The following CAPRIN2 variants were observed in gnomAD, a reference collection of about 807,000 sequenced individuals.
CAPRIN2 encodes the protein caprin-2.
Under a neutral mutation model 130.4 loss-of-function variants are expected in CAPRIN2, and 66 were observed. The observed-to-expected ratio is 0.51, with a 90% CI of 0.42 to 0.62. The LOEUF (loss-of-function observed/expected upper bound fraction) is 0.62, where lower values mean the gene tolerates loss of function less well. CAPRIN2 is among the 20% of genes least tolerant of loss of function. CAPRIN2 has a pLI of 0.00. For synonymous variants in CAPRIN2, 471 were observed against 444.1 expected, an observed-to-expected ratio of 1.06 and a Z score of -0.76; for missense variants, 1,185 against 1,246.6, an observed-to-expected ratio of 0.95 and a Z score of 0.74.
chr12:30,735,339 G>A, intron 3 of CAPRIN2, 133 bp from the exon 5 acceptor site: 1 of 745,846 alleles, frequency 1.3e-6, no homozygotes, highest in Non-Finnish European at 2.3e-6. Flanking sequence ...TACCAGTTTA[G>A]TCTGTCTCCT....
At chr12:30,742,871 T>C (rs576475851) in intron 2 of CAPRIN2, among the ~76,000 whole-genome samples, 1 of 152,310 alleles carries the variant, frequency 6.6e-6, no homozygotes, top group Admixed American at 6.5e-5. Flanking sequence ...TTCAGCCATA[T>C]ATTTTATAAT....
intron 4 of CAPRIN2, among the ~76,000 whole-genome samples, chr12:30,734,231 C>T (rs1448092336): frequency 6.6e-6 from 1 of 152,080 alleles, no homozygotes; most frequent in African/African-American, 2.4e-5. Flanking sequence ...TATATATAGG[C>T]AATTAAGAGT....
chr12:30,730,096 C>T, intron 7 of CAPRIN2, 143 bp downstream of exon 8: 3 of 634,418 alleles, frequency 4.7e-6, no homozygotes, highest in South Asian at 2.1e-5. Flanking sequence ...GACCAGATTT[C>T]TTGCCCAAAG....
chr12:30,728,294 C>T (rs2061520613), intron 8 of CAPRIN2: 1 of 189,744 alleles, frequency 5.3e-6, no homozygotes, highest in Admixed American at 5.3e-5. Flanking sequence ...ATGGCTCACG[C>T]CTGTAATCTC....
At chr12:30,754,002 C>G in exon 1 of CAPRIN2, 4 of 473,410 alleles carry the variant, frequency 8.4e-6, no homozygotes, top group Non-Finnish European at 1.5e-5. Flanking sequence ...CTGAGCCACT[C>G]AAACCTCTTT....
At chr12:30,737,805 G>C (rs1158370000) in intron 3 of CAPRIN2, among the ~76,000 whole-genome samples, 1 of 151,956 alleles carries the variant, frequency 6.6e-6, no homozygotes, top group African/African-American at 2.4e-5. Context: ...CATCATCATA[G>C]CTAGGATGGT....
chr12:30,718,499 T>A (rs910409488), intron 12 of CAPRIN2, among the ~76,000 whole-genome samples: 2 of 152,230 alleles, frequency 1.3e-5, no homozygotes. Flanking sequence ...AGAACTGTTT[T>A]ATACTAGTCT....
intron 2 of CAPRIN2, 60 bp downstream of exon 3, chr12:30,751,011 T>C (rs1349354241): frequency 1.7e-6 from 2 of 1,203,446 alleles, no homozygotes; most frequent in Non-Finnish European, 2.5e-6. Context: ...ACTAAATCCA[T>C]GTAGTTTTAT....
chr12:30,729,545 G>A (rs569777949), intron 7 of CAPRIN2, among the ~76,000 whole-genome samples: 12 of 152,086 alleles, frequency 7.9e-5, no homozygotes, highest in African/African-American at 2.7e-4. Flanking sequence ...TACAGACTTC[G>A]ATACATCAAA....
At chr12:30,731,597 G>A (rs892710693) in intron 5 of CAPRIN2, 87 bp from the exon 7 acceptor site, 27 of 1,071,732 alleles carry the variant, frequency 2.5e-5, no homozygotes, top group Middle Eastern at 2.1e-4. Context: ...CCTAGTTGTA[G>A]TACATTGTTA....
At chr12:30,719,674 A>T (rs1485180447) in intron 12 of CAPRIN2, 1 of 152,524 alleles carries the variant, frequency 6.6e-6, no homozygotes, top group Non-Finnish European at 1.5e-5. Flanking sequence ...ACAGAAAACA[A>T]CTCCGATCCA....
chr12:30,729,045 A>C, exon 8 of CAPRIN2: 1 of 1,613,860 alleles, frequency 6.2e-7, no homozygotes, highest in Non-Finnish European at 8.5e-7. Flanking sequence ...GGATTTGGAG[A>C]TCTCCTGCTT....
At chr12:30,753,263 A>T in intron 1 of CAPRIN2, 81 bp downstream of exon 2, 1 of 1,169,664 alleles carries the variant, frequency 8.5e-7, no homozygotes, top group Non-Finnish European at 1.2e-6. Context: ...AGTAGAGAAC[A>T]CCTATGAGCT....
At chr12:30,742,958 G>T (rs1484507974) in intron 2 of CAPRIN2, among the ~76,000 whole-genome samples, 2 of 151,998 alleles carry the variant, frequency 1.3e-5, no homozygotes, top group Non-Finnish European at 2.9e-5. Flanking sequence ...GTCCTCAGAG[G>T]GATGTAAAAC....
intron 1 of CAPRIN2, among the ~76,000 whole-genome samples, chr12:30,751,954 C>G (rs998972169): frequency 7.4e-6 from 1 of 134,246 alleles, no homozygotes; most frequent in East Asian, 2.2e-4. Flanking sequence ...AATTTCACTC[C>G]GTTGCCCAGG....
intron 15 of CAPRIN2, among the ~76,000 whole-genome samples, chr12:30,712,733 CTTTTTTTTTT>C (rs754373140): frequency 0.021 from 2,225 of 107,332 alleles, 48 homozygotes; most frequent in African/African-American, 0.071. Context: ...GTTTTCCACT[CTTTTTTTTTT>C]TTTTTTTTTT....
chr12:30,718,541 G>T (rs80118746), intron 12 of CAPRIN2, among the ~76,000 whole-genome samples: 2,393 of 152,236 alleles, frequency 0.016, 59 homozygotes, highest in African/African-American at 0.054. Flanking sequence ...CAAACTAGCT[G>T]TAATATTATT....
intron 10 of CAPRIN2, 110 bp from the exon 12 acceptor site, chr12:30,723,424 G>T: frequency 1.4e-6 from 1 of 710,374 alleles, no homozygotes. Flanking sequence ...TAGCTGGAAG[G>T]ACTACGTCTC....
At chr12:30,753,098 T>C (rs975097701) in intron 1 of CAPRIN2, among the ~76,000 whole-genome samples, 3 of 152,268 alleles carry the variant, frequency 2.0e-5, no homozygotes, top group African/African-American at 4.8e-5. Flanking sequence ...CTAAAATAGC[T>C]AGCTCTTAAA....
Sources: gnomAD v4.1 joint callset for allele counts (sites outside exome capture counted in the v4.1 genomes callset) on GRCh38, gnomAD v4.1.1 for gene constraint, MANE v1.5 for transcripts, NCBI Gene and HGNC (gene_info 2026-07-23, HGNC 2026-07-21) for gene names.